Variants in ROBO2 observed in about 807,000 individuals in gnomAD.
ROBO2 encodes roundabout guidance receptor 2, also known as roundabout homolog 2.
Under a neutral mutation model 160.8 loss-of-function variants are expected in ROBO2, and 53 were observed. The ratio of observed to expected loss-of-function variants is 0.33; its 90% confidence interval spans 0.26 to 0.41. ROBO2 has a LOEUF of 0.41. Ranked by LOEUF, ROBO2 falls within the 10% of genes least tolerant of loss-of-function variation. The pLI is 1.00. For missense variants in ROBO2, 1,577 were observed against 1,722.4 expected (o/e 0.92, Z 1.49); for synonymous variants, 664 against 611.7 (o/e 1.09, Z -1.26).
intron 2 of ROBO2, among the ~76,000 whole-genome samples, chr3:76,692,110 G>A (rs1224515175): frequency 6.6e-6 from 1 of 152,092 alleles, no homozygotes; most frequent in Non-Finnish European, 1.5e-5. Flanking sequence ...GACGAAAAGA[G>A]AGACTAGATG....
chr3:77,458,363 GT>G (rs1321513003), intron 2 of ROBO2, among the ~76,000 whole-genome samples: 1 of 152,170 alleles, frequency 6.6e-6, no homozygotes, highest in Middle Eastern at 3.2e-3. Context: ...AGTTTTGAAT[GT>G]TTTAATAACG....
At chr3:76,894,035 A>G (rs913108598) in intron 2 of ROBO2, among the ~76,000 whole-genome samples, 1 of 152,170 alleles carries the variant, frequency 6.6e-6, no homozygotes, top group Non-Finnish European at 1.5e-5. Flanking sequence ...CTCTTTCAAC[A>G]GTAGAGATTA....
chr3:76,192,340 A>G (rs1004454858), intron 2 of ROBO2, among the ~76,000 whole-genome samples: 1 of 151,770 alleles, frequency 6.6e-6, no homozygotes, highest in African/African-American at 2.4e-5. Flanking sequence ...TAAAGTTACT[A>G]TTCCCATCCT....
At chr3:76,666,708 C>A (rs1199199300) in intron 2 of ROBO2, among the ~76,000 whole-genome samples, 1 of 151,272 alleles carries the variant, frequency 6.6e-6, no homozygotes. Context: ...AGGCTTATTT[C>A]AATTATTTTT....
chr3:77,444,076 T>A (rs191431744), intron 2 of ROBO2, among the ~76,000 whole-genome samples: 4 of 152,310 alleles, frequency 2.6e-5, no homozygotes, highest in East Asian at 3.9e-4. Context: ...CATGCCTTCA[T>A]TTTTGATCTT....
intron 2 of ROBO2, among the ~76,000 whole-genome samples, chr3:77,462,645 T>C (rs1272287219): frequency 6.6e-6 from 1 of 152,200 alleles, no homozygotes; most frequent in African/African-American, 2.4e-5. Flanking sequence ...TCTTTATACA[T>C]TGAATTTATA....
chr3:76,245,150 C>G (rs1460528574), intron 2 of ROBO2, among the ~76,000 whole-genome samples: 2 of 152,168 alleles, frequency 1.3e-5, no homozygotes, highest in Non-Finnish European at 2.9e-5. Context: ...AAATATTTCT[C>G]ATGTCATTTG....
intron 2 of ROBO2, among the ~76,000 whole-genome samples, chr3:77,393,292 A>G (rs2074933832): frequency 6.6e-6 from 1 of 152,086 alleles, no homozygotes; most frequent in Non-Finnish European, 1.5e-5. Context: ...GTTGCTTTTG[A>G]ACAGAAATTT....
intron 2 of ROBO2, among the ~76,000 whole-genome samples, chr3:76,946,591 C>G (rs900148745): frequency 6.6e-6 from 1 of 152,066 alleles, no homozygotes; most frequent in Non-Finnish European, 1.5e-5. Flanking sequence ...GCGCCCACCA[C>G]GGCATCCGGC....
intron 2 of ROBO2, among the ~76,000 whole-genome samples, chr3:77,362,132 G>C (rs1174277011): frequency 6.6e-6 from 1 of 152,140 alleles, no homozygotes; most frequent in Non-Finnish European, 1.5e-5. Context: ...TTTCCCTGAA[G>C]AAGTGAAATT....
chr3:76,750,982 T>C (rs909790079), intron 2 of ROBO2, among the ~76,000 whole-genome samples: 12 of 152,002 alleles, frequency 7.9e-5, no homozygotes, highest in African/African-American at 2.4e-4. Context: ...GAGCCCACAT[T>C]GCCAAGACAA....
At chr3:76,889,567 A>G (rs2074179132) in intron 2 of ROBO2, among the ~76,000 whole-genome samples, 1 of 152,212 alleles carries the variant, frequency 6.6e-6, no homozygotes, top group African/African-American at 2.4e-5. Flanking sequence ...TAGTGATAAC[A>G]TTGGAATAAT....
At chr3:76,070,775 C>T (rs1228296426) in intron 2 of ROBO2, among the ~76,000 whole-genome samples, 1 of 152,062 alleles carries the variant, frequency 6.6e-6, no homozygotes, top group Non-Finnish European at 1.5e-5. Flanking sequence ...CTCTTTCATA[C>T]TCTGTCCCTT....
At chr3:76,235,271 T>C (rs1704871950) in intron 2 of ROBO2, among the ~76,000 whole-genome samples, 1 of 152,030 alleles carries the variant, frequency 6.6e-6, no homozygotes, top group Admixed American at 6.6e-5. Context: ...TCTCTCCCCA[T>C]GAGCACCGCC....
rs150224576 is a variant in ROBO2, at chr3:77,611,914, T to C, written c.3293+3960T>C. Among the ~76,000 whole-genome samples, 1,084 of 152,318 alleles carry C rather than the reference T, an allele frequency of 7.1e-3. 8 individuals carry two copies. The highest frequency in any genetic ancestry group is 0.025 in the African/African-American group (1,026 of 41,570). On this transcript the variant is annotated intron_variant, in intron 21 of 25. Coordinates refer to ENST00000461745, the Ensembl canonical transcript of ROBO2. The stretch of plus-strand genomic sequence containing the variant: ...TCATATGATTCCAGGAAGAATTCTA[T>C]GGTAATTAAATTGAAAAGTGGGGCT...
chr3:77,573,594 C>T (rs1384616265), intron 13 of ROBO2, among the ~76,000 whole-genome samples: 1 of 151,914 alleles, frequency 6.6e-6, no homozygotes, highest in Non-Finnish European at 1.5e-5. Flanking sequence ...TGGGCATAAA[C>T]GTTCATATGC....
intron 2 of ROBO2, among the ~76,000 whole-genome samples, chr3:76,860,226 C>T (rs150156031): frequency 8.5e-5 from 13 of 152,256 alleles, no homozygotes; most frequent in Middle Eastern, 3.4e-3. Flanking sequence ...ATACCCCCGA[C>T]GGCTTTCTGT....
At chr3:76,647,272 T>C (rs1381077019) in intron 2 of ROBO2, among the ~76,000 whole-genome samples, 2 of 152,162 alleles carry the variant, frequency 1.3e-5, no homozygotes, top group Non-Finnish European at 2.9e-5. Flanking sequence ...CCACTGCTGC[T>C]ACAAGAAATT....
At chr3:76,356,922 A>G (rs1396179688) in intron 2 of ROBO2, among the ~76,000 whole-genome samples, 1 of 151,790 alleles carries the variant, frequency 6.6e-6, no homozygotes, top group African/African-American at 2.4e-5. Context: ...AAATGTGAGT[A>G]TTAAATTAAA....
Sources: allele counts gnomAD v4.1 joint callset (sites outside exome capture counted in the v4.1 genomes callset), GRCh38; gene constraint gnomAD v4.1.1; transcripts MANE v1.5; gene names NCBI Gene and HGNC (gene_info 2026-07-23, HGNC 2026-07-21).